The following ANKS1A variants were observed in gnomAD, a reference collection of about 807,000 sequenced individuals.
The protein encoded by ANKS1A is ankyrin repeat and sterile alpha motif domain containing 1A, also known as ankyrin repeat and SAM domain-containing protein 1A.
In ANKS1A, 55 loss-of-function variants were observed where a neutral mutation model predicts 120.3. That is an observed-to-expected ratio of 0.46 (90% CI 0.37 to 0.57). The LOEUF is 0.57. Among genes scored for constraint, ANKS1A ranks in the 20% least tolerant of loss-of-function variants. The pLI is 0.00. For synonymous variants in ANKS1A, 590 were observed against 604.7 expected (o/e 0.98, Z 0.36); for missense variants, 1,123 against 1,480.3 (o/e 0.76, Z 3.96).
intron 11 of ANKS1A, among the ~76,000 whole-genome samples, chr6:35,027,259 A>G (rs1317566989): frequency 2.0e-5 from 3 of 152,172 alleles, no homozygotes; most frequent in Non-Finnish European, 4.4e-5. Context: ...GAACACAGAA[A>G]TGGTGCTGAT....
Position 35,049,406 on chromosome 6 carries a change from C to G in ANKS1A, c.2011-4693C>G, listed in dbSNP as rs562260461. ...AAAGAAAACAGCGTGGCGCAGGGTC[C>G]TTACCCTGAATGGTTCTTTAGTGTC... On this transcript the variant is annotated intron_variant, in intron 11 of 23. Transcript: ENST00000360359. Among the ~76,000 whole-genome samples, 5 of 152,322 alleles carry G rather than the reference C, an allele frequency of 3.3e-5. No homozygotes were observed. In the South Asian group the frequency reaches 1.0e-3, roughly 32 times the overall value.
downstream of ANKS1A, among the ~76,000 whole-genome samples, chr6:35,094,052 C>A (rs1217645221): frequency 6.6e-6 from 1 of 152,192 alleles, no homozygotes; most frequent in Non-Finnish European, 1.5e-5. Flanking sequence ...AAGCAGCCTC[C>A]CACCTCAGGT....
intron 1 of ANKS1A, among the ~76,000 whole-genome samples, chr6:34,937,022 CATAT>C (rs1769289193): frequency 6.6e-6 from 1 of 152,164 alleles, no homozygotes; most frequent in Non-Finnish European, 1.5e-5. Flanking sequence ...TACATACATA[CATAT>C]ACATTCCTAT....
At chr6:35,081,671 A>G (rs1363620876) in intron 17 of ANKS1A, among the ~76,000 whole-genome samples, 1 of 152,244 alleles carries the variant, frequency 6.6e-6, no homozygotes, top group Non-Finnish European at 1.5e-5. Flanking sequence ...CTCTGCCTGC[A>G]GCCCCGTGGG....
At position 35,044,824 on chromosome 6, in the gene ANKS1A, A is replaced by G. The variant is rs1283230576; in HGVS notation, c.2011-9275A>G. On this transcript the variant is annotated intron_variant, in intron 11 of 23. Transcript: ENST00000360359. This position sits in a 1 kb window ranked among gnomAD's most constrained non-coding sequence, Gnocchi z 4.4. ...ATTTTGTTTATTTTGGAACCAGATA[A>G]ATGTGAATGGCAAGTACAAGCCCTG... 6.6e-6 allele frequency among the ~76,000 whole-genome samples: 1 copy of G among 152,244 alleles called. No homozygotes were observed.
chr6:34,930,477 C>G (rs1223762135), intron 1 of ANKS1A, among the ~76,000 whole-genome samples: 1 of 152,172 alleles, frequency 6.6e-6, no homozygotes, highest in Non-Finnish European at 1.5e-5. Flanking sequence ...TGTGTGTGAC[C>G]TGGGCAAGCT....
intron 10 of ANKS1A, chr6:35,009,987 C>A: frequency 4.1e-6 from 1 of 246,734 alleles, no homozygotes; most frequent in Admixed American, 5.3e-5. Context: ...AGAACTTAGC[C>A]TGGGCAACAT....
chr6:34,918,785 A>T (rs75493700), intron 1 of ANKS1A, among the ~76,000 whole-genome samples: 1 of 152,196 alleles, frequency 6.6e-6, no homozygotes, highest in African/African-American at 2.4e-5. Flanking sequence ...AACACCATGT[A>T]ACTATAGCAT....
At chr6:34,994,122 G>C (rs961956664) in intron 9 of ANKS1A, among the ~76,000 whole-genome samples, 180 bp from the exon 10 acceptor site, 4 of 152,112 alleles carry the variant, frequency 2.6e-5, no homozygotes, top group Admixed American at 6.5e-5. Context: ...TCAGATTGGA[G>C]GTATGGATAT....
Position 34,982,021 on chromosome 6 carries a change from G to C in ANKS1A, c.732+35G>C, listed in dbSNP as rs751955790. The C allele has an allele frequency of 1.2e-6, 2 of 1,606,174 alleles. No homozygotes were observed. The highest frequency in any genetic ancestry group is 2.2e-5 in the South Asian group (2 of 90,350). ...CGGGTGGGGGCTCCTCCAATCTCAAGAGACTCAGTCATTTTGCAGAAGGCA... is the reference window on the plus strand; with the variant it reads ...CGGGTGGGGGCTCCTCCAATCTCAACAGACTCAGTCATTTTGCAGAAGGCA... On this transcript the variant is annotated intron_variant, in intron 4 of 23. Coordinates refer to ENST00000360359, the MANE Select transcript of ANKS1A (RefSeq NM_015245.3). This position sits in a 1 kb window ranked among gnomAD's most constrained non-coding sequence, Gnocchi z 4.9.
In ANKS1A at chr6:35,089,645, G is replaced by GT. The variant is rs1778194583; in HGVS notation, c.*1037dup. On this transcript the variant is annotated 3_prime_UTR_variant, in exon 24 of 24. Transcript: ENST00000360359. ...CCCGGTGTGGAAAAGGCTAAATAAG[G>GT]TGACAGTGCATCGATGCTCCCCCGC... is the stretch of plus-strand genomic sequence containing the variant. 1 of 988,026 alleles carries GT rather than the reference G, an allele frequency of 1.0e-6. No homozygotes were observed. Among genetic ancestry groups the GT allele is most frequent in the South Asian group, 4.7e-5 (1 of 21,412 alleles). 61.2% of individuals were successfully genotyped at this position (988,026 alleles called of 1,614,324 possible).
chr6:35,084,572 C>T lies in ANKS1A; in HGVS notation c.3132+314C>T, dbSNP rs1027595833. 2.0e-5 allele frequency among the ~76,000 whole-genome samples: 3 copies of T among 150,632 alleles called. No individual in the cohort carries two copies. Among genetic ancestry groups the T allele is most frequent in the African/African-American group, 4.9e-5 (2 of 40,980 alleles). ...TGCACTCCTGGGTTCAGGCAAGTTACCCACCTCAGCCTCCCACGTAACTGG... is the reference window on the plus strand; with the variant it reads ...TGCACTCCTGGGTTCAGGCAAGTTATCCACCTCAGCCTCCCACGTAACTGG... On this transcript the variant is annotated intron_variant, in intron 21 of 23. Transcript: ENST00000360359. This position sits in a 1 kb window ranked among gnomAD's most constrained non-coding sequence, Gnocchi z 4.8.
chr6:34,893,693 C>T (rs959902250), intron 1 of ANKS1A, among the ~76,000 whole-genome samples: 3 of 152,244 alleles, frequency 2.0e-5, no homozygotes, highest in Admixed American at 6.5e-5. Flanking sequence ...TAGTATGATA[C>T]GTCTGTGTAA....
chr6:35,026,012 T>A (rs1005522580), intron 11 of ANKS1A, among the ~76,000 whole-genome samples: 1 of 152,166 alleles, frequency 6.6e-6, no homozygotes, highest in African/African-American at 2.4e-5. Context: ...TTTTCTCCCT[T>A]TTTTGTTATG....
rs1775607039 is a variant in ANKS1A at position 35,044,156 on chromosome 6, A to G, written c.2011-9943A>G. ...GTAAGGGTAACACTGAGTGTGTGGA[A>G]GCAGAAGACCATGGGTGTGCGGGAG... On this transcript the variant is annotated intron_variant, in intron 11 of 23. Coordinates refer to ENST00000360359, the MANE Select transcript of ANKS1A (RefSeq NM_015245.3). This position sits in a 1 kb window ranked among gnomAD's most constrained non-coding sequence, Gnocchi z 4.4. 6.6e-6 allele frequency among the ~76,000 whole-genome samples: 1 copy of G among 152,222 alleles called. No individual in the cohort carries two copies. Among genetic ancestry groups the G allele is most frequent in the Admixed American group, 6.5e-5 (1 of 15,284 alleles).
chr6:35,046,895 C>T (rs1237406891), intron 11 of ANKS1A, among the ~76,000 whole-genome samples: 2 of 152,178 alleles, frequency 1.3e-5, no homozygotes, highest in Admixed American at 1.3e-4. Flanking sequence ...CCAGAAAGTT[C>T]CCTAGTGCCT....
downstream of ANKS1A, among the ~76,000 whole-genome samples, chr6:35,092,885 T>C (rs1242180098): frequency 6.6e-6 from 1 of 152,180 alleles, no homozygotes; most frequent in Non-Finnish European, 1.5e-5. Context: ...TACTGAAAAT[T>C]GGGATAGATC....
intron 10 of ANKS1A, among the ~76,000 whole-genome samples, chr6:35,004,121 C>G (rs534189968): frequency 2.9e-4 from 43 of 150,408 alleles, no homozygotes; most frequent in Middle Eastern, 3.4e-3. Context: ...CCTGTTTGCT[C>G]AGTCGATCAC....
intron 11 of ANKS1A, among the ~76,000 whole-genome samples, chr6:35,049,351 T>C (rs746354475): frequency 1.3e-5 from 2 of 152,254 alleles, no homozygotes; most frequent in Non-Finnish European, 2.9e-5. Context: ...ACCAGTGTGC[T>C]AGCTGTGTAC....
Sources: allele counts gnomAD v4.1 joint callset (sites outside exome capture counted in the v4.1 genomes callset), GRCh38; gene constraint gnomAD v4.1.1; non-coding constraint Gnocchi (gnomAD v3.1); transcripts MANE v1.5; gene names NCBI Gene and HGNC (gene_info 2026-07-23, HGNC 2026-07-21).